Variants in HSPA12A observed in about 807,000 individuals in gnomAD.
HSPA12A encodes heat shock protein family A (Hsp70) member 12A.
In HSPA12A, 28 loss-of-function variants were observed where a neutral mutation model predicts 69.2. The observed-to-expected ratio is 0.40, with a 90% CI of 0.30 to 0.55. The LOEUF is 0.55. Among genes scored for constraint, HSPA12A ranks in the 20% least tolerant of loss-of-function variants. The pLI, the probability that HSPA12A is intolerant of heterozygous loss-of-function variation, is 0.38. For missense variants in HSPA12A, 686 were observed against 900.7 expected, an observed-to-expected ratio of 0.76 and a Z score of 3.05; for synonymous variants, 345 against 370.5, an observed-to-expected ratio of 0.93 and a Z score of 0.79.
At chr10:116,756,060 G>A (rs1843842635) in intron 2 of HSPA12A, among the ~76,000 whole-genome samples, 1 of 152,142 alleles carries the variant, frequency 6.6e-6, no homozygotes. Flanking sequence ...CTAAAAGTAT[G>A]CCTGCATACG....
At chr10:116,682,551 T>G (rs1490518713) in intron 7 of HSPA12A, among the ~76,000 whole-genome samples, 1 of 152,144 alleles carries the variant, frequency 6.6e-6, no homozygotes, top group Non-Finnish European at 1.5e-5. Context: ...TGCTGCCTTT[T>G]CCATGAACAC....
chr10:116,692,612 A>G, intron 5 of HSPA12A, 145 bp from the exon 6 acceptor site: 1 of 666,248 alleles, frequency 1.5e-6, no homozygotes, highest in South Asian at 1.8e-5. Context: ...AGCATCAGAG[A>G]GCAAAGATCT....
intron 1 of HSPA12A, among the ~76,000 whole-genome samples, chr10:116,848,675 C>A (rs1411174279): frequency 6.6e-6 from 1 of 152,142 alleles, no homozygotes. Context: ...TACAATGAAG[C>A]CAGGAAGGCA....
chr10:116,761,475 G>A (rs1254309279), intron 2 of HSPA12A, among the ~76,000 whole-genome samples: 3 of 146,480 alleles, frequency 2.0e-5, no homozygotes, highest in Non-Finnish European at 4.5e-5. Context: ...AACAGAGCAA[G>A]AGACTCCATC....
chr10:116,771,365 G>T (rs1554890468), intron 2 of HSPA12A, among the ~76,000 whole-genome samples: 1 of 152,244 alleles, frequency 6.6e-6, no homozygotes, highest in Non-Finnish European at 1.5e-5. Flanking sequence ...GAGATACTGG[G>T]GCCAGAGGCC....
rs73382812 is a variant in HSPA12A at position 116,786,644 on chromosome 10, T to C, written c.91+48291A>G. 3.2e-3 allele frequency among the ~76,000 whole-genome samples: 486 copies of C among 152,226 alleles called. 6 individuals carry two copies. Among genetic ancestry groups the C allele is most frequent in the African/African-American group, 0.011 (467 of 41,530 alleles). ...TTAGAATCTCCTGGGGAATTATTTA[T>C]TTATTTATTTATTGAGACAGAGTCT... On this transcript the variant is annotated intron_variant, in intron 2 of 12. Coordinates refer to the HSPA12A transcript ENST00000635765.
rs1554893391 is a variant in HSPA12A, at chr10:116,796,163, A to AG, written c.91+38771_91+38772insC. ...ACTCCATCAAAAAAAAAAAAAAAAA[A>AG]AAAGAAAGAAAGAAGAAAATTAAAT... On this transcript the variant is annotated intron_variant, in intron 2 of 12. Coordinates refer to the HSPA12A transcript ENST00000635765. 2.7e-3 allele frequency among the ~76,000 whole-genome samples: 372 copies of AG among 138,822 alleles called. 1 individual carries two copies. The highest frequency in any genetic ancestry group is 0.011 in the African/African-American group (354 of 31,800). 91.1% of individuals were successfully genotyped at this position (138,822 alleles called of 152,430 possible).
chr10:116,772,266 C>G (rs1223207702), intron 2 of HSPA12A, among the ~76,000 whole-genome samples: 7 of 152,232 alleles, frequency 4.6e-5, no homozygotes, highest in African/African-American at 1.7e-4. Context: ...AGGAGCTGAT[C>G]TTGGATCCTG....
Position 116,707,149 on chromosome 10 carries a change from G to GCA in HSPA12A, c.126+50_126+51insTG, listed in dbSNP as rs1491543649. 3.0e-3 allele frequency: 1,341 copies of GCA among 446,176 alleles called. 19 individuals are homozygous for GCA. The highest frequency in any genetic ancestry group is 0.03 in the East Asian group (424 of 14,240). The allele number at this position is 446,176 out of a possible 1,614,324, so 27.6% of individuals were successfully genotyped here. On this transcript the variant is annotated intron_variant, in intron 2 of 11. Transcript: ENST00000369209. ...CGCACGTGTGCTCATGCGCACCCATGCGCGCACACACACACACACACACAC... is the reference window on the plus strand; with the variant it reads ...CGCACGTGTGCTCATGCGCACCCATGCACGCGCACACACACACACACACACAC...
At chr10:116,683,999 C>T (rs782279327) in intron 6 of HSPA12A, 37 bp from the exon 7 acceptor site, 1 of 1,497,918 alleles carries the variant, frequency 6.7e-7, no homozygotes, top group Non-Finnish European at 9.0e-7. Context: ...CCCAGGGCCC[C>T]CTGGGCCGGC....
At chr10:116,842,382 C>T (rs1845815966) in intron 1 of HSPA12A, among the ~76,000 whole-genome samples, 1 of 152,168 alleles carries the variant, frequency 6.6e-6, no homozygotes, top group African/African-American at 2.4e-5. Flanking sequence ...CTACCTTTAA[C>T]ATTTTCTTCA....
intron 2 of HSPA12A, among the ~76,000 whole-genome samples, chr10:116,776,154 C>G (rs1283172895): frequency 6.6e-6 from 1 of 152,198 alleles, no homozygotes; most frequent in African/African-American, 2.4e-5. Context: ...CACCTCACCC[C>G]CTCCCTGCCT....
At chr10:116,821,054 C>T (rs1255099403) in intron 2 of HSPA12A, among the ~76,000 whole-genome samples, 1 of 152,192 alleles carries the variant, frequency 6.6e-6, no homozygotes, top group African/African-American at 2.4e-5. Context: ...TCTAAATTCA[C>T]ATCTGTTCCA....
rs1334776176 is a variant in HSPA12A at position 116,776,259 on chromosome 10, C to T, written c.91+58676G>A. 4.6e-5 allele frequency among the ~76,000 whole-genome samples: 7 copies of T among 152,322 alleles called. No homozygotes were observed. In the South Asian group the frequency reaches 1.0e-3, roughly 23 times the overall value. On this transcript the variant is annotated intron_variant, in intron 2 of 12. Transcript: ENST00000635765. Reference sequence around the variant, plus strand: ...AGCATCTCAGGTCCGTCCGCCTGGACGCCCCCCTCTGCCTCGGGATTTCGC... The same window carrying T: ...AGCATCTCAGGTCCGTCCGCCTGGATGCCCCCCTCTGCCTCGGGATTTCGC...
At chr10:116,850,065 T>G, upstream of HSPA12A, 1 of 475,248 alleles carries the variant, frequency 2.1e-6, no homozygotes. Flanking sequence ...CGCCCATGCT[T>G]GCCAATTGTC....
At chr10:116,702,652 G>A (rs956970009) in intron 3 of HSPA12A, among the ~76,000 whole-genome samples, 2 of 152,110 alleles carry the variant, frequency 1.3e-5, no homozygotes, top group Non-Finnish European at 1.5e-5. Flanking sequence ...CTTCACAAAT[G>A]GAATTGTCAT....
intron 2 of HSPA12A, among the ~76,000 whole-genome samples, chr10:116,751,651 G>T (rs928306439): frequency 6.6e-6 from 1 of 152,164 alleles, no homozygotes; most frequent in East Asian, 1.9e-4. Context: ...ATCATTTACA[G>T]TTCATGTGTA....
chr10:116,717,595 G>A (rs989850293), intron 1 of HSPA12A, among the ~76,000 whole-genome samples: 17 of 152,230 alleles, frequency 1.1e-4, no homozygotes, highest in African/African-American at 3.4e-4. Flanking sequence ...GCCACTGGGT[G>A]GGCATCTATA....
intron 2 of HSPA12A, among the ~76,000 whole-genome samples, chr10:116,778,583 T>A (rs1415696393): frequency 6.6e-6 from 1 of 152,030 alleles, no homozygotes; most frequent in African/African-American, 2.4e-5. Flanking sequence ...TCCCCATAAT[T>A]CCCACAACCC....
Sources: gnomAD v4.1 joint callset for allele counts (sites outside exome capture counted in the v4.1 genomes callset) on GRCh38, gnomAD v4.1.1 for gene constraint, MANE v1.5 for transcripts, NCBI Gene and HGNC (gene_info 2026-07-23, HGNC 2026-07-21) for gene names.